The following TTLL10 variants were observed in gnomAD, a reference collection of about 807,000 sequenced individuals.
The protein encoded by TTLL10 is tubulin tyrosine ligase like 10, also known as inactive polyglycylase TTLL10.
A neutral mutation model predicts 69.0 loss-of-function variants in TTLL10; 61 were observed. The ratio of observed to expected loss-of-function variants is 0.88; its 90% confidence interval spans 0.72 to 1.09. The LOEUF (loss-of-function observed/expected upper bound fraction) is 1.09. Among genes scored for constraint, TTLL10 ranks in the 50% least tolerant of loss-of-function variants. The pLI is 0.00. For missense variants in TTLL10, 962 were observed against 945.9 expected (o/e 1.02, Z -0.22); for synonymous variants, 408 against 393.3 (o/e 1.04, Z -0.44).
intron 3 of TTLL10, 84 bp downstream of exon 3, chr1:1,174,573 G>A (rs11260540): frequency 0.081 from 12,322 of 152,236 alleles, 557 homozygotes; most frequent in African/African-American, 0.12. Flanking sequence ...ACCGAGGGGC[G>A]TCACAACCGT....
chr1:1,180,635 G>T (rs1377332726), intron 7 of TTLL10, 34 bp downstream of exon 7: 3 of 1,552,506 alleles, frequency 1.9e-6, no homozygotes, highest in African/African-American at 1.4e-5. Flanking sequence ...CGGGCAGCCT[G>T]CAGGGGCCTC....
chr1:1,175,541 G>C (rs562753585), intron 3 of TTLL10: 1 of 375,422 alleles, frequency 2.7e-6, no homozygotes. Flanking sequence ...CAGAGTTGGC[G>C]ATCGCCTTGC....
intron 13 of TTLL10, among the ~76,000 whole-genome samples, chr1:1,189,885 G>T (rs1174333796): frequency 1.3e-5 from 2 of 152,134 alleles, no homozygotes; most frequent in African/African-American, 2.4e-5. Context: ...GGCCGAGGAA[G>T]GTGGATCATG....
rs144432977 is a variant in TTLL10 at position 1,180,182 on chromosome 1, C to G, written c.348C>G (p.Leu116=). Residue 116 remains leucine (L), a synonymous_variant, in exon 6 of 16, where the codon CTC becomes CTG. Transcript: ENST00000379289. The part of the protein sequence containing the change: ...RASATPGPPG[L]LNSHRPADSD... Reference sequence around the variant, plus strand: ...CTGCCACACCCGGACCCCCTGGGCTCCTGAACAGCCACCGGCCTGCAGACT... The same window carrying G: ...CTGCCACACCCGGACCCCCTGGGCTGCTGAACAGCCACCGGCCTGCAGACT... 5.2e-5 allele frequency: 83 copies of G among 1,611,370 alleles called. No homozygotes were observed. In the African/African-American group the frequency reaches 9.6e-4, roughly 19 times the overall value.
intron 10 of TTLL10, 27 bp downstream of exon 10, chr1:1,182,473 G>C (rs765865421): frequency 1.2e-6 from 2 of 1,609,642 alleles, no homozygotes; most frequent in South Asian, 2.2e-5. Flanking sequence ...CGGACACCAG[G>C]CTGGCCCTGG....
intron 13 of TTLL10, among the ~76,000 whole-genome samples, chr1:1,190,983 G>A (rs955249197): frequency 1.3e-5 from 2 of 151,988 alleles, no homozygotes; most frequent in Admixed American, 6.6e-5. Context: ...CTGCCACCAC[G>A]CCTGGCTAAT....
At chr1:1,192,391 G>A (rs534339251) in intron 13 of TTLL10, among the ~76,000 whole-genome samples, 2 of 152,174 alleles carry the variant, frequency 1.3e-5, no homozygotes, top group Non-Finnish European at 2.9e-5. Flanking sequence ...GTTGGTATAA[G>A]TGTAGACACT....
intron 9 of TTLL10, 83 bp from the exon 10 acceptor site, chr1:1,182,278 G>A (rs528391299): frequency 2.2e-5 from 27 of 1,252,596 alleles, no homozygotes; most frequent in Non-Finnish European, 2.7e-5. Flanking sequence ...CCCTCCCGCC[G>A]GGCCACAGGC....
At chr1:1,183,792 C>T (rs1412121658) in intron 11 of TTLL10, 128 bp from the exon 12 acceptor site, 3 of 1,253,598 alleles carry the variant, frequency 2.4e-6, no homozygotes, top group African/African-American at 3.0e-5. Flanking sequence ...CCCCCTTTCC[C>T]TGGAGGTCAC....
At position 1,183,912 on chromosome 1, in the gene TTLL10, GC is replaced by G; in HGVS notation, c.1089-3del. ...CTCAGCCCAGCAGCCCCGACATGGTGCCCCCAGGTACATCCAGAACCCGCTG... is the reference window on the plus strand; with the variant it reads ...CTCAGCCCAGCAGCCCCGACATGGTGCCCCAGGTACATCCAGAACCCGCTG... On this transcript the variant is annotated splice_region_variant and splice_polypyrimidine_tract_variant and intron_variant, in intron 11 of 15. Transcript: ENST00000379289. 6.2e-7 allele frequency: 1 copy of G among 1,614,064 alleles called. No homozygotes were observed. Among genetic ancestry groups the G allele is most frequent in the Non-Finnish European group, 8.5e-7 (1 of 1,179,980 alleles).
chr1:1,194,250 T>C (rs1648040648), intron 13 of TTLL10, among the ~76,000 whole-genome samples: 1 of 152,232 alleles, frequency 6.6e-6, no homozygotes, highest in African/African-American at 2.4e-5. Flanking sequence ...CCTAAAAGTA[T>C]ACAAAAACAC....
intron 13 of TTLL10, among the ~76,000 whole-genome samples, chr1:1,188,523 G>A (rs982398766): frequency 6.6e-6 from 1 of 151,532 alleles, no homozygotes; most frequent in Non-Finnish European, 1.5e-5. Flanking sequence ...TCCTGCCTCA[G>A]CCTCCCTAGT....
chr1:1,197,512 G>A lies in TTLL10; in HGVS notation c.1687G>A (p.Val563Met), dbSNP rs889428402. 3.9e-6 allele frequency: 6 copies of A among 1,541,148 alleles called. No individual in the cohort carries two copies. Among genetic ancestry groups the A allele is most frequent in the Admixed American group, 4.0e-5 (2 of 50,370 alleles). ...MLPLLSQRRF[V>M]LLHNGEADPR... ...GCCTCTGCTGTCCCAGCGCCGCTTC[G>A]TGCTCCTGCACAACGGTGAGGCCGA... The change falls in exon 16 of 16, where the codon GTG becomes ATG. Residue 563 changes from valine (V) to methionine (M), a missense_variant. Transcript: ENST00000379289.
Position 1,184,078 on chromosome 1 carries a change from A to C in TTLL10, c.1247A>C (p.His416Pro), listed in dbSNP as rs1386661978. ...YDPHSSDLGG[H>P]LTNQFMQKKS... Reference sequence around the variant, plus strand: ...CCCCATTCCAGCGACCTCGGCGGCCACTTGACCAACCAGGTGAGTCTGCCA... The same window carrying C: ...CCCCATTCCAGCGACCTCGGCGGCCCCTTGACCAACCAGGTGAGTCTGCCA... The change falls in exon 12 of 16, where the codon CAC becomes CCC. Residue 416 changes from histidine to proline, a missense_variant. His to Pro is a moderately conservative substitution (Grantham distance 77). Coordinates refer to ENST00000379289, the MANE Select transcript of TTLL10 (RefSeq NM_001130045.2). 1 of 1,614,116 alleles carries C rather than the reference A, an allele frequency of 6.2e-7. No homozygotes were observed. The highest frequency in any genetic ancestry group is 2.2e-5 in the East Asian group (1 of 44,882).
At chr1:1,196,150 T>C (rs891098291) in intron 13 of TTLL10, among the ~76,000 whole-genome samples, 4 of 151,782 alleles carry the variant, frequency 2.6e-5, no homozygotes, top group African/African-American at 4.8e-5. Flanking sequence ...ATAATGACAA[T>C]TTTTTTTTAT....
intron 3 of TTLL10, among the ~76,000 whole-genome samples, chr1:1,178,717 T>G (rs1337917887): frequency 1.3e-5 from 2 of 152,130 alleles, no homozygotes; most frequent in Non-Finnish European, 2.9e-5. Flanking sequence ...GGGTCGGGCC[T>G]GGCACCCAGG....
Position 1,179,192 on chromosome 1 carries a change from C to A in TTLL10, c.-24C>A. The A allele has an allele frequency of 1.3e-6, 2 of 1,517,610 alleles. No homozygotes were observed. Among genetic ancestry groups the A allele is most frequent in the Non-Finnish European group, 1.8e-6 (2 of 1,129,800 alleles). The allele number at this position is 1,517,610 out of a possible 1,614,324, so 94.0% of individuals were successfully genotyped here. A position where few individuals can be genotyped will look rare whatever the true frequency, so the allele number is the denominator to read the frequency against. On this transcript the variant is annotated 5_prime_UTR_variant, in exon 4 of 16. Coordinates refer to ENST00000379289, the MANE Select transcript of TTLL10 (RefSeq NM_001130045.2). ...CAGAGCGGCATCTTCCCTTCAGGGC[C>A]CTCGCCCGGGCACCCCCCGGCCAAT...
intron 13 of TTLL10, among the ~76,000 whole-genome samples, chr1:1,189,600 C>G (rs866912945): frequency 3.1e-4 from 47 of 152,090 alleles, no homozygotes; most frequent in Non-Finnish European, 1.3e-4. Context: ...GTAACCCTGG[C>G]CTCATAGCAT....
Position 1,179,185 on chromosome 1 carries a change from T to A in TTLL10, c.-27-4T>A. The stretch of plus-strand genomic sequence containing the variant: ...GGAGGGTCAGAGCGGCATCTTCCCT[T>A]CAGGGCCCTCGCCCGGGCACCCCCC... On this transcript the variant is annotated splice_polypyrimidine_tract_variant and splice_region_variant and intron_variant, in intron 3 of 15. Transcript: ENST00000379289. The A allele has an allele frequency of 1.1e-5, 16 of 1,507,208 alleles. No individual in the cohort carries two copies. The highest frequency in any genetic ancestry group is 1.3e-5 in the Non-Finnish European group (15 of 1,123,910). The allele number at this position is 1,507,208 out of a possible 1,614,324, so 93.4% of individuals were successfully genotyped here.
Sources: allele counts gnomAD v4.1 joint callset (sites outside exome capture counted in the v4.1 genomes callset), GRCh38; gene constraint gnomAD v4.1.1; transcripts MANE v1.5; gene names NCBI Gene and HGNC (gene_info 2026-07-23, HGNC 2026-07-21).